Variants in PRKCG observed in about 807,000 individuals in gnomAD.
PRKCG encodes protein kinase C gamma, also known as protein kinase C gamma type.
PRKCG carries 28 observed loss-of-function variants against 82.0 expected under a neutral mutation model. That is an observed-to-expected ratio of 0.34 (90% CI 0.25 to 0.47). The LOEUF is 0.47. Among genes scored for constraint, PRKCG ranks in the 20% least tolerant of loss-of-function variants. PRKCG has a pLI of 1.00. For synonymous variants in PRKCG, 383 were observed against 376.6 expected (o/e 1.02, Z -0.20); for missense variants, 640 against 952.7 (o/e 0.67, Z 4.32).
In PRKCG at chr19:53,883,646, A is replaced by AG. The variant is rs1376831017; in HGVS notation, c.202+458dup. On this transcript the variant is annotated intron_variant, in intron 2 of 17. Coordinates refer to ENST00000263431, the MANE Select transcript of PRKCG (RefSeq NM_002739.5). The surrounding 1 kb of genome is among the most constrained non-coding windows in gnomAD (Gnocchi z 5.4). ...GGCCGGCAGTTCTGGGGGGCGGGAGAGGGGGGCGAGTCCTTGAGCACCAGC... is the reference window on the plus strand; with the variant it reads ...GGCCGGCAGTTCTGGGGGGCGGGAGAGGGGGGGCGAGTCCTTGAGCACCAGC... Among the ~76,000 whole-genome samples the AG allele has an allele frequency of 1.1e-5, 1 of 88,340 alleles. No individual in the cohort carries two copies. The highest frequency in any genetic ancestry group is 2.1e-5 in the Non-Finnish European group (1 of 47,818). The allele number at this position is 88,340 out of a possible 152,430, so 58.0% of individuals were successfully genotyped here. A position where few individuals can be genotyped will look rare whatever the true frequency, so the allele number is the denominator to read the frequency against.
intron 9 of PRKCG, 178 bp downstream of exon 9, chr19:53,893,569 A>G (rs925609212): frequency 1.5e-4 from 111 of 738,904 alleles, no homozygotes; most frequent in Non-Finnish European, 1.8e-4. Context: ...CCCTCAAGCA[A>G]CTCTCCAAGG....
intron 16 of PRKCG, among the ~76,000 whole-genome samples, chr19:53,906,073 C>CTTCTTCTTCT (rs1259041041): frequency 4.9e-5 from 4 of 81,656 alleles, no homozygotes; most frequent in African/African-American, 4.0e-4. Context: ...CCTCCTCCTC[C>CTTCTTCTTCT]TCCTCCTCCT....
intron 9 of PRKCG, among the ~76,000 whole-genome samples, chr19:53,895,902 A>G (rs569289338): frequency 1.3e-5 from 2 of 152,162 alleles, no homozygotes; most frequent in South Asian, 4.2e-4. Context: ...TACTAAAAAT[A>G]CAAAAAAATT....
chr19:53,893,744 T>A (rs8103866), intron 9 of PRKCG, among the ~76,000 whole-genome samples: 6,075 of 150,384 alleles, frequency 0.04, 318 homozygotes, highest in African/African-American at 0.12. Context: ...TGAGGTTTTT[T>A]AAAATTTTTT....
rs902300092 is a variant in PRKCG, at chr19:53,900,213, G to A, written c.1282-20G>A. 2.5e-6 allele frequency: 4 copies of A among 1,607,686 alleles called. No homozygotes were observed. The African/African-American group carries it at 5.4e-5, about 22-fold the overall frequency. On this transcript the variant is annotated intron_variant, in intron 11 of 17. Transcript: ENST00000263431. This position sits in a 1 kb window ranked among gnomAD's most constrained non-coding sequence, Gnocchi z 4.2. ...CTGGGTAGATGGATCCCGCCTCTAA[G>A]CCCATGCACTTCTCCGCAGGACCGC...
Position 53,882,732 on chromosome 19 carries a change from C to T in PRKCG, c.170+68C>T. 1 of 1,579,580 alleles carries T rather than the reference C, an allele frequency of 6.3e-7. No homozygotes were observed. The highest frequency in any genetic ancestry group is 1.4e-5 in the African/African-American group (1 of 74,038). ...GGGTGCAGACTCCTATCACGCCGAC[C>T]CCTGTGGAAGGAAGAAGGAGGGGGC... is the stretch of plus-strand genomic sequence containing the variant. On this transcript the variant is annotated intron_variant, in intron 1 of 17. Coordinates refer to ENST00000263431, the MANE Select transcript of PRKCG (RefSeq NM_002739.5). This position sits in a 1 kb window ranked among gnomAD's most constrained non-coding sequence, Gnocchi z 6.1.
chr19:53,905,684 T>G (rs2123027615), intron 16 of PRKCG, among the ~76,000 whole-genome samples: 1 of 91,344 alleles, frequency 1.1e-5, no homozygotes, highest in East Asian at 3.8e-4. Flanking sequence ...TCCTCTACCC[T>G]TCCCTCCCTC....
chr19:53,891,615 G>T, intron 5 of PRKCG, 59 bp from the exon 6 acceptor site: 2 of 1,596,676 alleles, frequency 1.3e-6, no homozygotes, highest in Non-Finnish European at 1.7e-6. Context: ...ACTGGAGGAG[G>T]GCTGGGAGCC....
At chr19:53,906,081 C>CTTCTTCTTCTTCTTCTTCTT (rs1568763987) in intron 16 of PRKCG, among the ~76,000 whole-genome samples, 3 of 35,492 alleles carry the variant, frequency 8.5e-5, no homozygotes, top group African/African-American at 7.8e-4. Flanking sequence ...TCCTCCTCCT[C>CTTCTTCTTCTTCTTCTTCTT]CTCCTTCTTC....
intron 5 of PRKCG, 32 bp downstream of exon 5, chr19:53,890,049 C>T (rs1349856319): frequency 1.9e-6 from 3 of 1,543,604 alleles, no homozygotes; most frequent in Admixed American, 3.9e-5. Context: ...TGGCCCCGCC[C>T]CCTCCCCAAG....
Position 53,906,121 on chromosome 19 carries a change from T to C in PRKCG, c.1765-196T>C, listed in dbSNP as rs1260182449. 1.3e-4 allele frequency among the ~76,000 whole-genome samples: 9 copies of C among 70,232 alleles called. No homozygotes were observed. In the South Asian group the frequency reaches 1.7e-3, roughly 13 times the overall value. 46.1% of individuals were successfully genotyped at this position (70,232 alleles called of 152,430 possible). On this transcript the variant is annotated intron_variant, in intron 16 of 17. Coordinates refer to ENST00000263431, the MANE Select transcript of PRKCG (RefSeq NM_002739.5). ...TCTTCTTCTTCTTCTTCTTCTTCTT[T>C]TCTTCTCTCTCTCTCTCCTTTCTTT...
At chr19:53,888,634 G>T (rs148444861) in intron 3 of PRKCG, among the ~76,000 whole-genome samples, 279 of 152,234 alleles carry the variant, frequency 1.8e-3, no homozygotes, top group African/African-American at 6.3e-3. Flanking sequence ...ATAGTATTGG[G>T]AGCATCTAAC....
In PRKCG at chr19:53,889,190, G is replaced by A. The variant is rs1484151099; in HGVS notation, c.286-448G>A. Among the ~76,000 whole-genome samples, 1 of 151,994 alleles carries A rather than the reference G, an allele frequency of 6.6e-6. No individual in the cohort carries two copies. The highest frequency in any genetic ancestry group is 1.9e-4 in the East Asian group (1 of 5,170). ...CTGGTCCGGAACTCCTGAGCTCAAG[G>A]CAATCCGCCCACCTCGGCCTCCCAA... is the stretch of plus-strand genomic sequence containing the variant. On this transcript the variant is annotated intron_variant, in intron 3 of 17. Transcript: ENST00000263431. The surrounding 1 kb of genome is among the most constrained non-coding windows in gnomAD (Gnocchi z 4.4).
chr19:53,907,367 C>T lies in PRKCG; in HGVS notation c.*472C>T, dbSNP rs1439205889. 4.7e-6 allele frequency: 1 copy of T among 211,912 alleles called. No individual in the cohort carries two copies. The highest frequency in any genetic ancestry group is 9.7e-6 in the Non-Finnish European group (1 of 102,932). The allele number at this position is 211,912 out of a possible 1,614,324, so 13.1% of individuals were successfully genotyped here. On this transcript the variant is annotated 3_prime_UTR_variant, in exon 18 of 18. Transcript: ENST00000263431. Reference sequence around the variant, plus strand: ...CTAGATGAGTGGGAGGCGTGCCCCCCTCCTCCAGTACGTCCCGCTGCTGTG... The same window carrying T: ...CTAGATGAGTGGGAGGCGTGCCCCCTTCCTCCAGTACGTCCCGCTGCTGTG...
At chr19:53,894,739 C>G (rs531807599) in intron 9 of PRKCG, among the ~76,000 whole-genome samples, 1 of 152,184 alleles carries the variant, frequency 6.6e-6, no homozygotes, top group Non-Finnish European at 1.5e-5. Flanking sequence ...AGATTAGAGG[C>G]GTGAGCGACC....
At chr19:53,903,451 C>G (rs573733367) in intron 15 of PRKCG, among the ~76,000 whole-genome samples, 2 of 152,264 alleles carry the variant, frequency 1.3e-5, no homozygotes, top group East Asian at 1.9e-4. Context: ...CGCAGAAAAC[C>G]AAGGTTCAAA....
rs1568760056 is a variant in PRKCG, at chr19:53,900,230, C to T, written c.1282-3C>T. 6.2e-7 allele frequency: 1 copy of T among 1,613,870 alleles called. No individual in the cohort carries two copies. Among genetic ancestry groups the T allele is most frequent in the African/African-American group, 1.3e-5 (1 of 75,000 alleles). ...GCCTCTAAGCCCATGCACTTCTCCGCAGGACCGCCTGTATTTCGTGATGGA... is the reference window on the plus strand; with the variant it reads ...GCCTCTAAGCCCATGCACTTCTCCGTAGGACCGCCTGTATTTCGTGATGGA... On this transcript the variant is annotated splice_polypyrimidine_tract_variant and splice_region_variant and intron_variant, in intron 11 of 17. Coordinates refer to ENST00000263431, the MANE Select transcript of PRKCG (RefSeq NM_002739.5). The surrounding 1 kb of genome is among the most constrained non-coding windows in gnomAD (Gnocchi z 4.2).
At position 53,892,699 on chromosome 19, in the gene PRKCG, T is replaced by A. The variant is rs532100433; in HGVS notation, c.821+56T>A. 1 of 1,581,806 alleles carries A rather than the reference T, an allele frequency of 6.3e-7. No homozygotes were observed. The highest frequency in any genetic ancestry group is 1.1e-5 in the South Asian group (1 of 88,552). On this transcript the variant is annotated intron_variant, in intron 7 of 17. Transcript: ENST00000263431. The surrounding 1 kb of genome is among the most constrained non-coding windows in gnomAD (Gnocchi z 5.9). ...AGCGCAATATTACCATCTCCATCTG[T>A]GTGTGGTCTCTCTCCTCCAGGCCAC...
intron 5 of PRKCG, 62 bp from the exon 6 acceptor site, chr19:53,891,612 G>A (rs2068676818): frequency 1.3e-6 from 2 of 1,590,176 alleles, no homozygotes; most frequent in East Asian, 4.5e-5. Context: ...CTGACTGGAG[G>A]AGGGCTGGGA....
Sources: allele counts gnomAD v4.1 joint callset (sites outside exome capture counted in the v4.1 genomes callset), GRCh38; gene constraint gnomAD v4.1.1; non-coding constraint Gnocchi (gnomAD v3.1); transcripts MANE v1.5; gene names NCBI Gene and HGNC (gene_info 2026-07-23, HGNC 2026-07-21).